Variants in HHIP observed in about 807,000 individuals in gnomAD.
HHIP encodes hedgehog-interacting protein.
HHIP carries 12 observed loss-of-function variants against 74.0 expected under a neutral mutation model. The ratio of observed to expected loss-of-function variants is 0.16; its 90% confidence interval spans 0.10 to 0.26. The LOEUF (loss-of-function observed/expected upper bound fraction) is 0.26, where lower values mean the gene tolerates loss of function less well. Among genes scored for constraint, HHIP ranks in the 10% least tolerant of loss-of-function variants. The pLI, the probability that HHIP is intolerant of heterozygous loss-of-function variation, is 1.00. For missense variants in HHIP, 788 were observed against 845.0 expected (o/e 0.93, Z 0.84); for synonymous variants, 309 against 311.6 (o/e 0.99, Z 0.09).
intron 4 of HHIP, among the ~76,000 whole-genome samples, chr4:144,674,837 T>G (rs903919916): frequency 6.6e-6 from 1 of 152,166 alleles, no homozygotes; most frequent in Non-Finnish European, 1.5e-5. Flanking sequence ...AAATGACCCC[T>G]GGTAAGGTGA....
At chr4:144,712,093 G>C in intron 8 of HHIP, 22 bp downstream of exon 8, 1 of 1,601,250 alleles carries the variant, frequency 6.2e-7, no homozygotes, top group African/African-American at 1.3e-5. Flanking sequence ...ATAATTTGCT[G>C]ATTTTGCTTT....
intron 4 of HHIP, among the ~76,000 whole-genome samples, chr4:144,681,692 G>A (rs1473246403): frequency 6.6e-6 from 1 of 152,120 alleles, no homozygotes; most frequent in African/African-American, 2.4e-5. Flanking sequence ...CAACGTGCTG[G>A]GATTACAGGC....
rs1472121456 is a variant in HHIP at position 144,711,954 on chromosome 4, G to C, written c.1306G>C (p.Ala436Pro). The change falls in exon 8 of 13, where the codon GCT (alanine) becomes CCT (proline). Residue 436 changes from alanine (A) to proline (P), a missense_variant. Physicochemically the swap from Ala to Pro is conservative, Grantham distance 27. Transcript: ENST00000296575. ...GTATCCCCTCTTGTTATGCAGATGT[G>C]CTGTGGATAGACATCCCACTGATAT... ...AHGLHDPGRC[A>P]VDRHPTDINI... 6 of 1,611,638 alleles carry C rather than the reference G, an allele frequency of 3.7e-6. No homozygotes were observed. The South Asian group carries it at 6.6e-5, about 18-fold the overall frequency.
At chr4:144,723,777 C>T (rs1051010287) in intron 11 of HHIP, among the ~76,000 whole-genome samples, 6 of 152,194 alleles carry the variant, frequency 3.9e-5, no homozygotes, top group Non-Finnish European at 5.9e-5. Context: ...AGTTTTCAAA[C>T]ATGACAGAAT....
chr4:144,732,326 C>T (rs1299400861), intron 11 of HHIP, among the ~76,000 whole-genome samples: 1 of 152,254 alleles, frequency 6.6e-6, no homozygotes, highest in South Asian at 2.1e-4. Flanking sequence ...TTGTATATTA[C>T]AGCCACACAG....
At chr4:144,698,822 A>C (rs1729895952) in intron 4 of HHIP, among the ~76,000 whole-genome samples, 1 of 152,182 alleles carries the variant, frequency 6.6e-6, no homozygotes, top group South Asian at 2.1e-4. Flanking sequence ...TCCCAAACTT[A>C]AGTTTAGTAG....
chr4:144,724,810 T>A (rs180780224), intron 11 of HHIP, among the ~76,000 whole-genome samples: 1 of 151,480 alleles, frequency 6.6e-6, no homozygotes, highest in East Asian at 1.9e-4. Context: ...TAGTCTCTTT[T>A]AAGCTATCAA....
Position 144,646,457 on chromosome 4 carries a change from C to T in HHIP, c.-219C>T, listed in dbSNP as rs1287365349. The stretch of plus-strand genomic sequence containing the variant: ...GTGTCATCCGCACAACTTTATCTCG[C>T]TCCTCGGGCTCCCCTAAGGCATTGG... On this transcript the variant is annotated 5_prime_UTR_variant, in exon 1 of 13. Coordinates refer to ENST00000296575, the MANE Select transcript of HHIP (RefSeq NM_022475.3). 4.0e-6 allele frequency: 2 copies of T among 501,748 alleles called. No homozygotes were observed. Among genetic ancestry groups the T allele is most frequent in the African/African-American group, 3.8e-5 (2 of 52,184 alleles). 31.1% of individuals were successfully genotyped at this position (501,748 alleles called of 1,614,324 possible).
chr4:144,654,951 G>A (rs1259704787), intron 2 of HHIP: 1 of 152,172 alleles, frequency 6.6e-6, no homozygotes, highest in Non-Finnish European at 1.5e-5. Flanking sequence ...GCTAAAAGAA[G>A]CCAAATGCTG....
intron 4 of HHIP, among the ~76,000 whole-genome samples, chr4:144,683,402 TACA>T (rs1297260712): frequency 6.6e-6 from 1 of 152,196 alleles, no homozygotes; most frequent in Non-Finnish European, 1.5e-5. Flanking sequence ...TGTGGCTAAT[TACA>T]ACATTTCCTT....
intron 11 of HHIP, among the ~76,000 whole-genome samples, chr4:144,720,715 G>A (rs908948559): frequency 5.9e-5 from 9 of 151,912 alleles, no homozygotes; most frequent in African/African-American, 1.9e-4. Flanking sequence ...AGAAGGTGGG[G>A]GAAGTAGCAG....
chr4:144,711,196 CAT>C (rs1395295158), intron 7 of HHIP, among the ~76,000 whole-genome samples: 2 of 152,206 alleles, frequency 1.3e-5, no homozygotes, highest in African/African-American at 2.4e-5. Context: ...AATTAAAGCA[CAT>C]GTTTTCCTGT....
At chr4:144,671,827 AC>A (rs1303630717) in intron 4 of HHIP, among the ~76,000 whole-genome samples, 1 of 152,096 alleles carries the variant, frequency 6.6e-6, no homozygotes, top group Non-Finnish European at 1.5e-5. Context: ...TACTAAAAAT[AC>A]AAAAAATTAG....
intron 4 of HHIP, among the ~76,000 whole-genome samples, chr4:144,688,407 G>A (rs1319322591): frequency 6.6e-6 from 1 of 151,366 alleles, no homozygotes; most frequent in Admixed American, 6.6e-5. Context: ...TTTTTTTGAA[G>A]TCCCAGGCAG....
chr4:144,728,469 GT>G (rs1730858114), intron 11 of HHIP, among the ~76,000 whole-genome samples: 1 of 152,064 alleles, frequency 6.6e-6, no homozygotes, highest in South Asian at 2.1e-4. Flanking sequence ...TTTTAGAAAT[GT>G]TTAGTACAAA....
chr4:144,651,055 T>C (rs1237886131), intron 1 of HHIP: 1 of 152,098 alleles, frequency 6.6e-6, no homozygotes, highest in Non-Finnish European at 1.5e-5. Context: ...ACAAACAGAA[T>C]TGCTATATGA....
intron 5 of HHIP, 35 bp from the exon 6 acceptor site, chr4:144,707,052 A>T (rs771132661): frequency 1.4e-5 from 22 of 1,583,486 alleles, no homozygotes; most frequent in Non-Finnish European, 1.9e-5. Context: ...TAAATCTTTT[A>T]ACAGTCATGG....
intron 4 of HHIP, among the ~76,000 whole-genome samples, chr4:144,694,208 C>T (rs1452942483): frequency 1.3e-5 from 2 of 151,678 alleles, no homozygotes; most frequent in African/African-American, 4.8e-5. Flanking sequence ...TTTTAAAGTA[C>T]CGTAATTGTT....
chr4:144,728,778 G>A (rs1442507377), intron 11 of HHIP, among the ~76,000 whole-genome samples: 3 of 152,082 alleles, frequency 2.0e-5, no homozygotes, highest in Non-Finnish European at 1.5e-5. Flanking sequence ...AATATTACAT[G>A]GTTACACAGG....
Sources: allele counts gnomAD v4.1 joint callset (sites outside exome capture counted in the v4.1 genomes callset), GRCh38; gene constraint gnomAD v4.1.1; transcripts MANE v1.5; gene names NCBI Gene and HGNC (gene_info 2026-07-23, HGNC 2026-07-21).